The following ENPP6 variants were observed in gnomAD, a reference collection of about 807,000 sequenced individuals.
ENPP6 encodes the protein glycerophosphocholine cholinephosphodiesterase ENPP6.
In ENPP6, 32 loss-of-function variants were observed where a neutral mutation model predicts 42.0. The observed-to-expected ratio is 0.76, with a 90% CI of 0.58 to 1.02. The LOEUF is 1.02. Ranked by LOEUF, ENPP6 falls within the 50% of genes least tolerant of loss-of-function variation. ENPP6 has a pLI of 0.00. For missense variants in ENPP6, 552 were observed against 566.8 expected (o/e 0.97, Z 0.27); for synonymous variants, 213 against 216.0 (o/e 0.99, Z 0.12).
intron 1 of ENPP6, among the ~76,000 whole-genome samples, chr4:184,212,893 A>G (rs1235331275): frequency 3.3e-5 from 5 of 152,194 alleles, no homozygotes; most frequent in Admixed American, 3.3e-4. Flanking sequence ...AAACAGAGAT[A>G]TCGATCAATG....
At chr4:184,156,523 G>T (rs1016318336) in intron 1 of ENPP6, among the ~76,000 whole-genome samples, 3 of 152,158 alleles carry the variant, frequency 2.0e-5, no homozygotes, top group Non-Finnish European at 4.4e-5. Flanking sequence ...TTTTTCTCTG[G>T]TTGTGCTTTC....
At chr4:184,099,784 C>T (rs558159696) in intron 6 of ENPP6, among the ~76,000 whole-genome samples, 23 of 152,348 alleles carry the variant, frequency 1.5e-4, no homozygotes, top group African/African-American at 5.3e-4. Context: ...TTCTCTTTTT[C>T]TTCCTTATCT....
intron 1 of ENPP6, among the ~76,000 whole-genome samples, chr4:184,175,192 G>A (rs974420500): frequency 3.9e-5 from 6 of 152,008 alleles, no homozygotes; most frequent in South Asian, 2.1e-4. Flanking sequence ...CGGAACTCTC[G>A]GTTTCTCTCT....
chr4:184,211,718 A>T (rs1171428119), intron 1 of ENPP6, among the ~76,000 whole-genome samples: 1 of 150,818 alleles, frequency 6.6e-6, no homozygotes, highest in African/African-American at 2.4e-5. Flanking sequence ...AAAAGAGGGA[A>T]TCCTCCCTAA....
At chr4:184,165,456 A>ACGGTGTAGC (rs1441663879) in intron 1 of ENPP6, among the ~76,000 whole-genome samples, 2 of 152,310 alleles carry the variant, frequency 1.3e-5, no homozygotes, top group Admixed American at 1.3e-4. Flanking sequence ...CCCTCCAGCC[A>ACGGTGTAGC]CGGTGTAGCC....
At chr4:184,123,449 G>A (rs1351458467) in intron 3 of ENPP6, among the ~76,000 whole-genome samples, 3 of 152,082 alleles carry the variant, frequency 2.0e-5, no homozygotes, top group Non-Finnish European at 4.4e-5. Context: ...AGTGTCCACA[G>A]TGACCTCAAG....
intron 7 of ENPP6, among the ~76,000 whole-genome samples, chr4:184,096,525 T>G (rs1413954075): frequency 6.6e-6 from 1 of 151,998 alleles, no homozygotes; most frequent in Non-Finnish European, 1.5e-5. Flanking sequence ...GAGAAGAGGG[T>G]GTTCAGGTAG....
At chr4:184,107,046 G>A (rs76357995) in intron 6 of ENPP6, among the ~76,000 whole-genome samples, 2,797 of 152,258 alleles carry the variant, frequency 0.018, 82 homozygotes, top group African/African-American at 0.059. Flanking sequence ...CTGGCCCACC[G>A]TGACATTGTG....
At chr4:184,179,856 G>C (rs896161273) in intron 1 of ENPP6, among the ~76,000 whole-genome samples, 2 of 152,136 alleles carry the variant, frequency 1.3e-5, no homozygotes, top group African/African-American at 4.8e-5. Flanking sequence ...AGAATCTCTG[G>C]GATGCAGCTA....
chr4:184,134,898 A>G (rs1216252972), intron 2 of ENPP6, among the ~76,000 whole-genome samples: 1 of 151,254 alleles, frequency 6.6e-6, no homozygotes, highest in Non-Finnish European at 1.5e-5. Context: ...CCACTACATC[A>G]TAAGTAGCAT....
At chr4:184,164,019 T>C (rs1357328650) in intron 1 of ENPP6, among the ~76,000 whole-genome samples, 2 of 152,112 alleles carry the variant, frequency 1.3e-5, no homozygotes, top group Non-Finnish European at 2.9e-5. Context: ...GAAGCCTGGG[T>C]TATAACAACG....
rs573446625 is a variant in ENPP6 at position 184,129,327 on chromosome 4, C to A, written c.422-5055G>T. The stretch of plus-strand genomic sequence containing the variant: ...ACACACACACACACACACACACACA[C>A]CAGAAACAAAATTTCACCAAATTAT... On this transcript the variant is annotated intron_variant, in intron 2 of 7. Transcript: ENST00000296741. Among the ~76,000 whole-genome samples, 42 of 143,736 alleles carry A rather than the reference C, an allele frequency of 2.9e-4. No homozygotes were observed. In the South Asian group the frequency reaches 9.0e-3, roughly 31 times the overall value. The allele number at this position is 143,736 out of a possible 152,430, so 94.3% of individuals were successfully genotyped here.
At chr4:184,211,900 G>A (rs1320906898) in intron 1 of ENPP6, among the ~76,000 whole-genome samples, 2 of 149,594 alleles carry the variant, frequency 1.3e-5, no homozygotes, top group African/African-American at 5.0e-5. Context: ...ATGATCAAGT[G>A]GGCTTCATCC....
At chr4:184,124,079 G>A (rs749351498) in intron 3 of ENPP6, 82 bp downstream of exon 3, 34 of 1,067,360 alleles carry the variant, frequency 3.2e-5, no homozygotes, top group Admixed American at 5.9e-5. Flanking sequence ...TCTCCACAAA[G>A]CCCTCTTAAT....
chr4:184,130,414 C>T (rs1380262704), intron 2 of ENPP6, among the ~76,000 whole-genome samples: 5 of 127,720 alleles, frequency 3.9e-5, no homozygotes, highest in African/African-American at 5.9e-5. Context: ...AAAAATTAGC[C>T]GGGCGTGGTG....
intron 1 of ENPP6, among the ~76,000 whole-genome samples, chr4:184,199,922 T>A (rs1420966714): frequency 6.6e-6 from 1 of 152,140 alleles, no homozygotes; most frequent in Non-Finnish European, 1.5e-5. Context: ...CCAGCACACA[T>A]CCCTGATATC....
intron 6 of ENPP6, among the ~76,000 whole-genome samples, chr4:184,099,172 G>A (rs868134782): frequency 2.6e-5 from 4 of 152,292 alleles, no homozygotes; most frequent in African/African-American, 4.8e-5. Flanking sequence ...TCTATCTCCC[G>A]GTGCCTGGGC....
At chr4:184,114,118 G>T (rs1282624424) in intron 5 of ENPP6, among the ~76,000 whole-genome samples, 1 of 151,896 alleles carries the variant, frequency 6.6e-6, no homozygotes, top group Non-Finnish European at 1.5e-5. Flanking sequence ...GGCACCCACT[G>T]CTACACCCAG....
At chr4:184,105,520 G>C (rs1736072583) in intron 6 of ENPP6, among the ~76,000 whole-genome samples, 1 of 152,154 alleles carries the variant, frequency 6.6e-6, no homozygotes, top group Non-Finnish European at 1.5e-5. Context: ...TCCTGGGTTA[G>C]TTGCTCAGAG....
Sources: allele counts gnomAD v4.1 joint callset (sites outside exome capture counted in the v4.1 genomes callset), GRCh38; gene constraint gnomAD v4.1.1; transcripts MANE v1.5; gene names NCBI Gene and HGNC (gene_info 2026-07-23, HGNC 2026-07-21).